Variants in NEK10 observed in about 807,000 individuals in gnomAD.
NEK10 encodes NIMA related kinase 10.
Under a neutral mutation model 159.8 loss-of-function variants are expected in NEK10, and 122 were observed. The observed-to-expected ratio is 0.76, with a 90% confidence interval of 0.66 to 0.89. The LOEUF (loss-of-function observed/expected upper bound fraction) is 0.89, where lower values mean the gene tolerates loss of function less well. Among genes scored for constraint, NEK10 ranks in the 40% least tolerant of loss-of-function variants. The pLI, the probability that NEK10 is intolerant of heterozygous loss-of-function variation, is 0.00. For synonymous variants in NEK10, 466 were observed against 457.1 expected, an observed-to-expected ratio of 1.02 and a Z score of -0.25; for missense variants, 1,342 against 1,323.1, an observed-to-expected ratio of 1.01 and a Z score of -0.22.
intron 12 of NEK10, among the ~76,000 whole-genome samples, chr3:27,303,659 A>C (rs1254719409): frequency 6.6e-6 from 1 of 152,252 alleles, no homozygotes; most frequent in African/African-American, 2.4e-5. Context: ...GTAATGACAA[A>C]TATTGTTAAC....
intron 23 of NEK10, among the ~76,000 whole-genome samples, chr3:27,234,648 T>C (rs1953702026): frequency 6.6e-6 from 1 of 152,174 alleles, no homozygotes; most frequent in Admixed American, 6.5e-5. Flanking sequence ...TCCATGTTCA[T>C]GGATAGGAAG....
At chr3:27,358,617 T>C (rs1055748724) in intron 1 of NEK10, among the ~76,000 whole-genome samples, 5 of 152,158 alleles carry the variant, frequency 3.3e-5, no homozygotes, top group Non-Finnish European at 7.3e-5. Context: ...GTGTAATTAA[T>C]CTAAATTGTG....
intron 30 of NEK10, among the ~76,000 whole-genome samples, chr3:27,159,128 C>T (rs1945773450): frequency 1.3e-5 from 2 of 152,050 alleles, no homozygotes; most frequent in Admixed American, 6.6e-5. Flanking sequence ...GAAACGTATT[C>T]CTTTTACAGT....
chr3:27,363,675 A>C (rs191649856), intron 1 of NEK10: 1 of 152,358 alleles, frequency 6.6e-6, no homozygotes, highest in East Asian at 1.9e-4. Flanking sequence ...ATTGATGTTA[A>C]AGATGGACTA....
At chr3:27,282,552 ATATATATACATAACTGTGT>A (rs1339713338) in intron 22 of NEK10, among the ~76,000 whole-genome samples, 362 of 140,774 alleles carry the variant, frequency 2.6e-3, no homozygotes, top group Admixed American at 7.3e-3. Context: ...ATATATATAT[ATATATATACATAACTGTGT>A]TATATATATA....
chr3:27,319,933 A>G (rs2045497702), intron 6 of NEK10, among the ~76,000 whole-genome samples: 1 of 152,302 alleles, frequency 6.6e-6, no homozygotes, highest in East Asian at 1.9e-4. Flanking sequence ...TACTGACTGA[A>G]CAAGAGAGGA....
Position 27,314,285 on chromosome 3 carries a change from A to C in NEK10, c.489+12T>G. 1.3e-6 allele frequency: 2 copies of C among 1,592,768 alleles called. No individual in the cohort carries two copies. The highest frequency in any genetic ancestry group is 2.3e-5 in the South Asian group (2 of 88,084). On this transcript the variant is annotated intron_variant, in intron 7 of 35. Coordinates refer to ENST00000691995, the MANE Select transcript of NEK10 (RefSeq NM_001394966.1). The stretch of plus-strand genomic sequence containing the variant: ...GAAAAGGCAAGACCAGCCACCACAA[A>C]AGGAATCTTACCTGAGCTAGGTTTT...
chr3:27,244,892 C>T (rs757224195), intron 23 of NEK10, among the ~76,000 whole-genome samples: 1 of 152,146 alleles, frequency 6.6e-6, no homozygotes, highest in Non-Finnish European at 1.5e-5. Context: ...TGCCTAGCAG[C>T]TCCAGAACAG....
chr3:27,190,888 G>C (rs965722070), intron 26 of NEK10, among the ~76,000 whole-genome samples: 2 of 152,146 alleles, frequency 1.3e-5, no homozygotes, highest in African/African-American at 4.8e-5. Flanking sequence ...ATTTAACTGT[G>C]TTCAGTAAGG....
At chr3:27,157,284 T>C (rs1333506738) in intron 30 of NEK10, among the ~76,000 whole-genome samples, 3 of 151,584 alleles carry the variant, frequency 2.0e-5, no homozygotes, top group Admixed American at 6.6e-5. Context: ...CACTAAAGAA[T>C]TGTACCCCAA....
chr3:27,152,135 C>T (rs193180048), intron 30 of NEK10, among the ~76,000 whole-genome samples: 1 of 152,216 alleles, frequency 6.6e-6, no homozygotes, highest in East Asian at 1.9e-4. Flanking sequence ...ATACAAGAAG[C>T]ACAAAGAACA....
chr3:27,141,673 A>G, intron 30 of NEK10, 91 bp from the exon 31 acceptor site: 1 of 901,040 alleles, frequency 1.1e-6, no homozygotes, highest in South Asian at 1.5e-5. Flanking sequence ...CAAATTTTAA[A>G]GCAAAGACTT....
At chr3:27,283,098 T>C (rs770485040) in intron 22 of NEK10, among the ~76,000 whole-genome samples, 1 of 152,130 alleles carries the variant, frequency 6.6e-6, no homozygotes, top group Non-Finnish European at 1.5e-5. Flanking sequence ...TAATATGATG[T>C]TCTACTTACG....
At chr3:27,363,425 G>A (rs182012417) in intron 1 of NEK10, among the ~76,000 whole-genome samples, 67 of 152,274 alleles carry the variant, frequency 4.4e-4, no homozygotes, top group Non-Finnish European at 7.6e-4. Context: ...ACAAAAGAGG[G>A]ATTTAATAAA....
At chr3:27,331,674 G>T (rs561053207) in intron 5 of NEK10, among the ~76,000 whole-genome samples, 1 of 152,146 alleles carries the variant, frequency 6.6e-6, no homozygotes, top group Non-Finnish European at 1.5e-5. Flanking sequence ...TATTGATAAC[G>T]AATTGTCTGA....
intron 31 of NEK10, among the ~76,000 whole-genome samples, chr3:27,139,897 G>C (rs895947194): frequency 6.6e-6 from 1 of 152,148 alleles, no homozygotes; most frequent in African/African-American, 2.4e-5. Flanking sequence ...CATTGGAAAG[G>C]GGAGCACCAG....
At chr3:27,323,026 A>G (rs1417454945) in intron 5 of NEK10, among the ~76,000 whole-genome samples, 1 of 152,152 alleles carries the variant, frequency 6.6e-6, no homozygotes, top group African/African-American at 2.4e-5. Flanking sequence ...AAACACAGGG[A>G]TAAAGTATTT....
chr3:27,186,014 G>C (rs1387532995), intron 26 of NEK10, among the ~76,000 whole-genome samples: 1 of 152,196 alleles, frequency 6.6e-6, no homozygotes, highest in Non-Finnish European at 1.5e-5. Context: ...AGATGTCAAG[G>C]TTACAATTAA....
chr3:27,238,719 G>A (rs1395621368), intron 23 of NEK10, among the ~76,000 whole-genome samples: 2 of 149,510 alleles, frequency 1.3e-5, no homozygotes, highest in Non-Finnish European at 3.0e-5. Context: ...CCAGCTTAGT[G>A]TTATTTATCT....
Sources: gnomAD v4.1 joint callset for allele counts (sites outside exome capture counted in the v4.1 genomes callset) on GRCh38, gnomAD v4.1.1 for gene constraint, MANE v1.5 for transcripts, NCBI Gene and HGNC (gene_info 2026-07-23, HGNC 2026-07-21) for gene names.